The following GPR158 variants were observed in gnomAD, a reference collection of about 807,000 sequenced individuals.
The protein encoded by GPR158 is metabotropic glycine receptor.
A neutral mutation model predicts 78.2 loss-of-function variants in GPR158; 30 were observed. That is an observed-to-expected ratio of 0.38 (90% CI 0.29 to 0.52). The LOEUF is 0.52. Among genes scored for constraint, GPR158 ranks in the 20% least tolerant of loss-of-function variants. GPR158 has a pLI of 0.83. For synonymous variants in GPR158, 581 were observed against 591.1 expected, an observed-to-expected ratio of 0.98 and a Z score of 0.25; for missense variants, 1,463 against 1,523.5, an observed-to-expected ratio of 0.96 and a Z score of 0.66.
intron 2 of GPR158, among the ~76,000 whole-genome samples, chr10:25,376,919 T>C (rs777020360): frequency 2.0e-5 from 3 of 151,594 alleles, no homozygotes; most frequent in Non-Finnish European, 3.0e-5. Context: ...TGATTATATA[T>C]GTAAAATTAT....
Position 25,175,526 on chromosome 10 carries a change from C to A in GPR158, c.106C>A (p.Arg36=). The change falls in exon 1 of 11, where the codon CGA becomes AGA. Residue 36 remains arginine (R), a synonymous_variant. Transcript: ENST00000376351. The surrounding 1 kb of genome is among the most constrained non-coding windows in gnomAD (Gnocchi z 6.4). ...RDPQGRPDSP[R]ERTPKGKPHA... Reference sequence around the variant, plus strand: ...CCCCCAAGGACGGCCGGATTCCCCTCGAGAGAGGACCCCGAAGGGGAAGCC... The same window carrying A: ...CCCCCAAGGACGGCCGGATTCCCCTAGAGAGAGGACCCCGAAGGGGAAGCC... 1.2e-6 allele frequency: 2 copies of A among 1,612,246 alleles called. No individual in the cohort carries two copies. The highest frequency in any genetic ancestry group is 8.5e-7 in the Non-Finnish European group (1 of 1,179,894).
intron 7 of GPR158, among the ~76,000 whole-genome samples, chr10:25,574,324 A>C (rs1340811246): frequency 6.6e-6 from 1 of 152,162 alleles, no homozygotes; most frequent in Non-Finnish European, 1.5e-5. Context: ...ATGTAGAAAT[A>C]TATAGAATTA....
chr10:25,316,911 T>G lies in GPR158; in HGVS notation c.1009-79000T>G, dbSNP rs199613687. The stretch of plus-strand genomic sequence containing the variant: ...TTTGTGTGTGTGTGTGTGTGTGTGT[T>G]TATGTGTGTGTGTATGTGTGTGTAT... On this transcript the variant is annotated intron_variant, in intron 2 of 10. Coordinates refer to ENST00000376351, the MANE Select transcript of GPR158 (RefSeq NM_020752.3). 3.8e-5 allele frequency among the ~76,000 whole-genome samples: 3 copies of G among 79,690 alleles called. No individual in the cohort carries two copies. The East Asian group carries it at 8.3e-4, about 22-fold the overall frequency. 52.3% of individuals were successfully genotyped at this position (79,690 alleles called of 152,430 possible). A position where few individuals can be genotyped will look rare whatever the true frequency, so the allele number is the denominator to read the frequency against.
chr10:25,580,942 G>A (rs1364466649), intron 7 of GPR158, among the ~76,000 whole-genome samples: 1 of 133,860 alleles, frequency 7.5e-6, no homozygotes, highest in Non-Finnish European at 1.6e-5. Flanking sequence ...TTTTGAGACG[G>A]AGTCTCGCTC....
At chr10:25,501,702 G>A (rs957446202) in intron 5 of GPR158, among the ~76,000 whole-genome samples, 2 of 152,152 alleles carry the variant, frequency 1.3e-5, no homozygotes, top group African/African-American at 2.4e-5. Flanking sequence ...TCAAGTAGCC[G>A]GAGCAGACTT....
chr10:25,311,036 T>C (rs532024265), intron 2 of GPR158, among the ~76,000 whole-genome samples: 1 of 152,172 alleles, frequency 6.6e-6, no homozygotes, highest in Admixed American at 6.5e-5. Context: ...GGTTTACTTC[T>C]CTTTTGTTCC....
At chr10:25,377,160 A>T (rs1283244818) in intron 2 of GPR158, among the ~76,000 whole-genome samples, 1 of 151,736 alleles carries the variant, frequency 6.6e-6, no homozygotes, top group Admixed American at 6.6e-5. Context: ...CTCTCCAATT[A>T]TAGGTATGTT....
rs1204130265 is a variant in GPR158, at chr10:25,572,897, C to T, written c.1753+10C>T. On this transcript the variant is annotated intron_variant, in intron 7 of 10. Transcript: ENST00000376351. ...TACATGACAGCAGTTGGTATGTGGT[C>T]ACTTGTTTCGTATGATGGTCTTACC... The T allele has an allele frequency of 6.8e-7, 1 of 1,466,498 alleles. No homozygotes were observed. The highest frequency in any genetic ancestry group is 1.7e-5 in the Admixed American group (1 of 59,840). The allele number at this position is 1,466,498 out of a possible 1,614,324, so 90.8% of individuals were successfully genotyped here. A position where few individuals can be genotyped will look rare whatever the true frequency, so the allele number is the denominator to read the frequency against.
intron 5 of GPR158, among the ~76,000 whole-genome samples, chr10:25,546,103 G>A (rs1479484794): frequency 6.6e-6 from 1 of 152,148 alleles, no homozygotes; most frequent in Admixed American, 6.6e-5. Flanking sequence ...GGATGAGGCA[G>A]GGAATGACCA....
chr10:25,550,456 C>A (rs1836712264), intron 5 of GPR158, among the ~76,000 whole-genome samples: 1 of 151,874 alleles, frequency 6.6e-6, no homozygotes, highest in Non-Finnish European at 1.5e-5. Context: ...AAAGGGATTG[C>A]CAGAAGTGTG....
chr10:25,326,301 CT>C (rs1564423026), intron 2 of GPR158, among the ~76,000 whole-genome samples: 1 of 152,140 alleles, frequency 6.6e-6, no homozygotes, highest in Non-Finnish European at 1.5e-5. Flanking sequence ...CTTTTTATGG[CT>C]GCATAGTATT....
At chr10:25,289,440 T>TA (rs200164051) in intron 2 of GPR158, among the ~76,000 whole-genome samples, 1,621 of 152,152 alleles carry the variant, frequency 0.011, 23 homozygotes, top group South Asian at 0.058. Context: ...AATTTTTATT[T>TA]TTATTTTTTT....
chr10:25,453,807 G>C (rs1418992792), intron 4 of GPR158, among the ~76,000 whole-genome samples: 1 of 152,186 alleles, frequency 6.6e-6, no homozygotes, highest in Non-Finnish European at 1.5e-5. Context: ...TTTTATGCCA[G>C]TGCCATGCTG....
At chr10:25,553,906 A>C (rs1836756183) in intron 6 of GPR158, among the ~76,000 whole-genome samples, 1 of 152,192 alleles carries the variant, frequency 6.6e-6, no homozygotes, top group African/African-American at 2.4e-5. Flanking sequence ...AAGTTTAATA[A>C]CTTTAAGATG....
chr10:25,560,455 C>T (rs1340279795), intron 6 of GPR158, among the ~76,000 whole-genome samples: 2 of 152,028 alleles, frequency 1.3e-5, no homozygotes, highest in South Asian at 2.1e-4. Flanking sequence ...TTAGTAGAGA[C>T]GGGGTTTCAC....
chr10:25,316,909 GTT>G (rs777994066), intron 2 of GPR158, among the ~76,000 whole-genome samples: 203 of 114,814 alleles, frequency 1.8e-3, no homozygotes, highest in African/African-American at 7.4e-3. Context: ...GTGTGTGTGT[GTT>G]TATGTGTGTG....
chr10:25,562,759 T>C (rs1050646220), intron 6 of GPR158, among the ~76,000 whole-genome samples: 2 of 152,216 alleles, frequency 1.3e-5, no homozygotes, highest in African/African-American at 2.4e-5. Flanking sequence ...GCTGTGGAGA[T>C]GAATACCCCG....
At chr10:25,289,715 C>A (rs562520613) in intron 2 of GPR158, among the ~76,000 whole-genome samples, 1 of 152,050 alleles carries the variant, frequency 6.6e-6, no homozygotes, top group Non-Finnish European at 1.5e-5. Flanking sequence ...CCACCGCGCC[C>A]AGCCGAACAT....
At chr10:25,418,285 C>A (rs1456404063) in intron 4 of GPR158, among the ~76,000 whole-genome samples, 1 of 152,156 alleles carries the variant, frequency 6.6e-6, no homozygotes, top group East Asian at 1.9e-4. Context: ...TAGTAATTAA[C>A]TACTAGCCAT....
Sources: allele counts gnomAD v4.1 joint callset (sites outside exome capture counted in the v4.1 genomes callset), GRCh38; gene constraint gnomAD v4.1.1; non-coding constraint Gnocchi (gnomAD v3.1); transcripts MANE v1.5; gene names NCBI Gene and HGNC (gene_info 2026-07-23, HGNC 2026-07-21).